The following TNFSF9 variants were observed in gnomAD, a reference collection of about 807,000 sequenced individuals.
TNFSF9 encodes the protein TNF superfamily member 9.
In TNFSF9, 10 loss-of-function variants were observed where a neutral mutation model predicts 10.3. The observed-to-expected ratio is 0.97, with a 90% CI of 0.60 to 1.65. TNFSF9 has a LOEUF of 1.65. Ranked by LOEUF, TNFSF9 falls within the 40% of genes most tolerant of loss-of-function variation. The pLI is 0.00. For synonymous variants in TNFSF9, 195 were observed against 176.1 expected (o/e 1.11, Z -0.85); for missense variants, 361 against 348.9 (o/e 1.03, Z -0.28).
At chr19:6,531,692 C>T (rs925459480) in intron 1 of TNFSF9, among the ~76,000 whole-genome samples, 6 of 151,948 alleles carry the variant, frequency 3.9e-5, no homozygotes, top group Admixed American at 3.9e-4. Context: ...CAAGGGCTCT[C>T]CTTCTCCGTC....
At position 6,535,360 on chromosome 19, in the gene TNFSF9, TGGG is replaced by T. The variant is rs10712707; in HGVS notation, c.*305_*307del. The T allele has an allele frequency of 0.6, 73,480 of 122,860 alleles. 21,890 individuals carry two copies. The highest frequency in any genetic ancestry group is 0.72 in the Middle Eastern group (175 of 242). The allele number at this position is 122,860 out of a possible 1,614,324, so 7.6% of individuals were successfully genotyped here. ...ATGGACTTTTTTAGAGGAGTTGTTT[TGGG>T]GGGGGGGGGGTCTTCGACATTGCCG... On this transcript the variant is annotated 3_prime_UTR_variant, in exon 3 of 3. Transcript: ENST00000245817.
At position 6,534,704 on chromosome 19, in the gene TNFSF9, G is replaced by A. The variant is rs1915228263; in HGVS notation, c.403G>A (p.Val135Met). ...CAAAGAGGACACGAAGGAGCTGGTGGTGGCCAAGGCTGGAGTCTACTATGT... is the reference window on the plus strand; with the variant it reads ...CAAAGAGGACACGAAGGAGCTGGTGATGGCCAAGGCTGGAGTCTACTATGT... ...SYKEDTKELV[V>M]AKAGVYYVFF... is the part of the protein sequence containing the mutation. The change falls in exon 3 of 3, where the codon GTG becomes ATG. Residue 135 changes from valine to methionine, a missense_variant. By Grantham distance (21) the Val-to-Met change is conservative. Coordinates refer to ENST00000245817, the MANE Select transcript of TNFSF9 (RefSeq NM_003811.4). The A allele has an allele frequency of 1.3e-6, 2 of 1,595,710 alleles. No individual in the cohort carries two copies. Among genetic ancestry groups the A allele is most frequent in the East Asian group, 4.5e-5 (2 of 43,990 alleles).
rs771447309 is a variant in TNFSF9 at position 6,532,826 on chromosome 19, C to A, written c.298+10C>A. On this transcript the variant is annotated intron_variant, in intron 2 of 2. Coordinates refer to ENST00000245817, the MANE Select transcript of TNFSF9 (RefSeq NM_003811.4). The stretch of plus-strand genomic sequence containing the variant: ...CTGGTGGCCCAAAATGGTAAGTATC[C>A]TCCGCCACTTCCGGTCCCTGGCCCC... 5 of 1,613,592 alleles carry A rather than the reference C, an allele frequency of 3.1e-6. No individual in the cohort carries two copies. Among genetic ancestry groups the A allele is most frequent in the Non-Finnish European group, 4.2e-6 (5 of 1,179,784 alleles).
At chr19:6,532,910 C>A (rs1240300438) in intron 2 of TNFSF9, 94 bp downstream of exon 2, 3 of 1,568,198 alleles carry the variant, frequency 1.9e-6, no homozygotes, top group East Asian at 2.2e-5. Context: ...GGCTCTGCCG[C>A]ACACTGGCTT....
chr19:6,531,913 G>A (rs1427901568), intron 1 of TNFSF9, among the ~76,000 whole-genome samples: 1 of 152,142 alleles, frequency 6.6e-6, no homozygotes, highest in East Asian at 1.9e-4. Flanking sequence ...CACCCTGGAC[G>A]GGGGACCCTC....
intron 1 of TNFSF9, 55 bp from the exon 2 acceptor site, chr19:6,532,731 A>G (rs1372030781): frequency 4.3e-6 from 7 of 1,612,726 alleles, no homozygotes; most frequent in Admixed American, 1.7e-5. Flanking sequence ...TGGGGACAGA[A>G]CCTCCATTTT....
chr19:6,532,938 T>TTTCAGAGACAGCAGCG, intron 2 of TNFSF9, 122 bp downstream of exon 2: 1 of 1,417,242 alleles, frequency 7.1e-7, no homozygotes, highest in Non-Finnish European at 9.9e-7. Context: ...TGACCGCTGC[T>TTTCAGAGACAGCAGCG]GTCTCTGAAA....
rs1915243344 is a variant in TNFSF9, at chr19:6,535,269, GATAAT to G, written c.*207_*211del. On this transcript the variant is annotated 3_prime_UTR_variant, in exon 3 of 3. Transcript: ENST00000245817. Reference sequence around the variant, plus strand: ...GATATTTATTCTGAGCCTGAGCTCAGATAATATATTATATATATTATATATATATA... The same window carrying G: ...GATATTTATTCTGAGCCTGAGCTCAGATATTATATATATTATATATATATA... 1 of 241,958 alleles carries G rather than the reference GATAAT, an allele frequency of 4.1e-6. No homozygotes were observed. Among genetic ancestry groups the G allele is most frequent in the African/African-American group, 2.5e-5 (1 of 40,778 alleles). The allele number at this position is 241,958 out of a possible 1,614,324, so 15.0% of individuals were successfully genotyped here.
intron 1 of TNFSF9, 35 bp from the exon 2 acceptor site, chr19:6,532,751 C>A: frequency 1.2e-6 from 2 of 1,613,650 alleles, no homozygotes; most frequent in South Asian, 1.1e-5. Flanking sequence ...TCTAGGGGAA[C>A]CCCCATCCAC....
rs1395758953 is a variant in TNFSF9, at chr19:6,531,067, C to T, written c.31C>T (p.Pro11Ser). The part of the protein sequence containing the change: MEYASDASLD[P>S]EAPWPPAPRA... The stretch of plus-strand genomic sequence containing the variant: ...ATACGCCTCTGACGCTTCACTGGAC[C>T]CCGAAGCCCCGTGGCCTCCCGCGCC... The change falls in exon 1 of 3, where the codon CCC becomes TCC. Residue 11 changes from proline to serine, a missense_variant. Physicochemically the swap from Pro to Ser is moderately conservative, Grantham distance 74. Coordinates refer to ENST00000245817, the MANE Select transcript of TNFSF9 (RefSeq NM_003811.4). 1.3e-5 allele frequency: 21 copies of T among 1,611,186 alleles called. No individual in the cohort carries two copies. The highest frequency in any genetic ancestry group is 1.6e-5 in the Non-Finnish European group (19 of 1,179,108).
At chr19:6,531,408 C>T (rs904035793) in intron 1 of TNFSF9, 105 bp downstream of exon 1, 18 of 1,348,690 alleles carry the variant, frequency 1.3e-5, no homozygotes, top group Non-Finnish European at 1.6e-5. Flanking sequence ...CTGTTCTACA[C>T]TCCCGGCCGG....
At chr19:6,531,407 A>G in intron 1 of TNFSF9, 104 bp downstream of exon 1, 1 of 1,344,388 alleles carries the variant, frequency 7.4e-7, no homozygotes, top group Non-Finnish European at 9.5e-7. Context: ...CCTGTTCTAC[A>G]CTCCCGGCCG....
chr19:6,532,953 C>T (rs1391846449), intron 2 of TNFSF9, 137 bp downstream of exon 2: 6 of 1,254,524 alleles, frequency 4.8e-6, no homozygotes, highest in African/African-American at 4.4e-5. Flanking sequence ...CTGAAAGCTG[C>T]TACTTCCCCT....
intron 1 of TNFSF9, 72 bp from the exon 2 acceptor site, chr19:6,532,714 A>C: frequency 1.2e-6 from 2 of 1,610,540 alleles, no homozygotes; most frequent in Non-Finnish European, 1.7e-6. Context: ...CTGACAGCTG[A>C]AGTGAGTGGG....
Position 6,534,762 on chromosome 19 carries a change from C to G in TNFSF9, c.461C>G (p.Ala154Gly), listed in dbSNP as rs754504937. Residue 154 changes from alanine (A) to glycine (G), a missense_variant, in exon 3 of 3, where the codon GCC (alanine) becomes GGC (glycine). Physicochemically the swap from Ala to Gly is moderately conservative, Grantham distance 60. Coordinates refer to ENST00000245817, the MANE Select transcript of TNFSF9 (RefSeq NM_003811.4). ...CAACTAGAGCTGCGGCGCGTGGTGG[C>G]CGGCGAGGGCTCAGGCTCCGTTTCA... is the stretch of plus-strand genomic sequence containing the variant. ...FFQLELRRVVAGEGSGSVSLA... is the reference protein window; with the variant it reads ...FFQLELRRVVGGEGSGSVSLA... 1.0e-5 allele frequency: 16 copies of G among 1,598,406 alleles called. No individual in the cohort carries two copies. Among genetic ancestry groups the G allele is most frequent in the Non-Finnish European group, 1.4e-5 (16 of 1,173,244 alleles).
chr19:6,532,498 GGTGTTTGTGT>G (rs1410235510), intron 1 of TNFSF9, among the ~76,000 whole-genome samples: 2 of 144,268 alleles, frequency 1.4e-5, no homozygotes, highest in Non-Finnish European at 3.0e-5. Flanking sequence ...TGTTCGTGTG[GGTGTTTGTGT>G]GTGTTTGTGT....
rs757143321 is a variant in TNFSF9, at chr19:6,534,666, G to A, written c.365G>A (p.Gly122Glu). 13 of 1,590,930 alleles carry A rather than the reference G, an allele frequency of 8.2e-6. No individual in the cohort carries two copies. Among genetic ancestry groups the A allele is most frequent in the Non-Finnish European group, 1.1e-5 (13 of 1,169,472 alleles). ...GGCCTGGCAGGCGTGTCCCTGACGGGGGGCCTGAGCTACAAAGAGGACACG... is the reference window on the plus strand; with the variant it reads ...GGCCTGGCAGGCGTGTCCCTGACGGAGGGCCTGAGCTACAAAGAGGACACG... ...DPGLAGVSLT[G>E]GLSYKEDTKE... The change falls in exon 3 of 3, where the codon GGG becomes GAG. Residue 122 changes from glycine to glutamate, a missense_variant. By Grantham distance (98) the Gly-to-Glu change is moderately conservative (BLOSUM62 -2). Transcript: ENST00000245817.
chr19:6,531,274 G>T lies in TNFSF9; in HGVS notation c.238G>T (p.Asp80Tyr), dbSNP rs2234175. The change falls in exon 1 of 3, where the codon GAT becomes TAT. Residue 80 changes from aspartate to tyrosine, a missense_variant. By Grantham distance (160) the Asp-to-Tyr change is radical (BLOSUM62 -3). Coordinates refer to ENST00000245817, the MANE Select transcript of TNFSF9 (RefSeq NM_003811.4). ...CGAGGGTCCCGAGCTTTCGCCCGAC[G>T]ATCCCGCCGGCCTCTTGGACCTGCG... ...LREGPELSPD[D>Y]PAGLLDLRQG... is the part of the protein sequence containing the mutation. 2,181 of 1,506,446 alleles carry T rather than the reference G, an allele frequency of 1.4e-3. 28 individuals are homozygous for T. The African/African-American group carries it at 0.028, about 20-fold the overall frequency. 93.3% of individuals were successfully genotyped at this position (1,506,446 alleles called of 1,614,324 possible). A position where few individuals can be genotyped will look rare whatever the true frequency, so the allele number is the denominator to read the frequency against.
intron 1 of TNFSF9, among the ~76,000 whole-genome samples, chr19:6,531,924 C>T (rs1242775134): frequency 6.6e-6 from 1 of 152,174 alleles, no homozygotes; most frequent in African/African-American, 2.4e-5. Context: ...GGGGACCCTC[C>T]GCGGTTCTCC....
Sources: gnomAD v4.1 joint callset for allele counts (sites outside exome capture counted in the v4.1 genomes callset) on GRCh38, gnomAD v4.1.1 for gene constraint, MANE v1.5 for transcripts, NCBI Gene and HGNC (gene_info 2026-07-23, HGNC 2026-07-21) for gene names.